The following PRR16 variants were observed in gnomAD, a reference collection of about 807,000 sequenced individuals.
PRR16 encodes protein Largen.
PRR16 carries 6 observed loss-of-function variants against 18.2 expected under a neutral mutation model. The observed-to-expected ratio is 0.33, with a 90% CI of 0.18 to 0.65. The LOEUF (loss-of-function observed/expected upper bound fraction) is 0.65. Ranked by LOEUF, PRR16 falls within the 30% of genes least tolerant of loss-of-function variation. The probability of loss-of-function intolerance (pLI) is 0.74; values close to 1 mark genes in which losing one functional copy is unlikely to be tolerated. For synonymous variants in PRR16, 151 were observed against 147.8 expected (o/e 1.02, Z -0.16); for missense variants, 412 against 376.6 (o/e 1.09, Z -0.78).
At chr5:120,503,983 GGC>G (rs1750557168) in intron 1 of PRR16, among the ~76,000 whole-genome samples, 1 of 151,674 alleles carries the variant, frequency 6.6e-6, no homozygotes, top group African/African-American at 2.4e-5. Flanking sequence ...CATTTTTTAT[GGC>G]TGCATAGTAT....
intron 1 of PRR16, among the ~76,000 whole-genome samples, chr5:120,544,524 G>T (rs1412848494): frequency 6.6e-6 from 1 of 151,856 alleles, no homozygotes; most frequent in East Asian, 1.9e-4. Context: ...GTGTGTATAT[G>T]TACAGCTATT....
At chr5:120,553,326 C>T (rs1460466918) in intron 1 of PRR16, among the ~76,000 whole-genome samples, 4 of 151,836 alleles carry the variant, frequency 2.6e-5, no homozygotes, top group African/African-American at 7.2e-5. Context: ...TGTTCTCAAA[C>T]CCAGGAAGAA....
intron 1 of PRR16, among the ~76,000 whole-genome samples, chr5:120,514,967 TC>T (rs1750941058): frequency 6.6e-6 from 1 of 152,180 alleles, no homozygotes; most frequent in Non-Finnish European, 1.5e-5. Context: ...ATAGCAACAG[TC>T]CCACTTAGCT....
At chr5:120,523,168 C>T (rs946778869) in intron 1 of PRR16, among the ~76,000 whole-genome samples, 1 of 152,168 alleles carries the variant, frequency 6.6e-6, no homozygotes, top group African/African-American at 2.4e-5. Flanking sequence ...AGGTGGATTT[C>T]ACTGCTTGTG....
rs569361304 is a variant in PRR16 at position 120,617,266 on chromosome 5, C to A, written c.160-68688C>A. The A allele has an allele frequency of 1.4e-5, 9 of 657,932 alleles. No individual in the cohort carries two copies. The South Asian group carries it at 4.7e-4, about 34-fold the overall frequency. 40.8% of individuals were successfully genotyped at this position (657,932 alleles called of 1,614,324 possible). A position where few individuals can be genotyped will look rare whatever the true frequency, so the allele number is the denominator to read the frequency against. ...CCAACATTTCTAAGAAACATGCAAA[C>A]CAATATATCATTTGTAATTCAAAAT... On this transcript the variant is annotated intron_variant, in intron 1 of 1. Coordinates refer to ENST00000407149, the MANE Select transcript of PRR16 (RefSeq NM_001300783.2).
At chr5:120,562,088 C>T (rs1752593254) in intron 1 of PRR16, among the ~76,000 whole-genome samples, 1 of 151,998 alleles carries the variant, frequency 6.6e-6, no homozygotes, top group South Asian at 2.1e-4. Flanking sequence ...TTGAAGTCTC[C>T]ATGTATTATT....
At chr5:120,678,780 C>A (rs1475763503) in intron 1 of PRR16, among the ~76,000 whole-genome samples, 1 of 151,984 alleles carries the variant, frequency 6.6e-6, no homozygotes, top group Non-Finnish European at 1.5e-5. Context: ...CCTTTTATTT[C>A]TTTCTCTTAT....
In PRR16 at chr5:120,537,769, G is replaced by GTTATT. The variant is rs1561536413; in HGVS notation, c.159+73126_159+73127insATTTT. 8.1e-4 allele frequency among the ~76,000 whole-genome samples: 93 copies of GTTATT among 115,148 alleles called. 2 individuals carry two copies. The highest frequency in any genetic ancestry group is 1.1e-3 in the Non-Finnish European group (61 of 57,176). 75.5% of individuals were successfully genotyped at this position (115,148 alleles called of 152,430 possible). A position where few individuals can be genotyped will look rare whatever the true frequency, so the allele number is the denominator to read the frequency against. On this transcript the variant is annotated intron_variant, in intron 1 of 1. Transcript: ENST00000407149. ...ACCCATATAACTTGGAATTTTTAAT[G>GTTATT]TTTTTTTTTTTTTTTTTTTTTTTTT...
At chr5:120,726,693 T>A in the PRR16 span, among the ~76,000 whole-genome samples, 217 of 152,252 alleles carry the variant, frequency 1.4e-3, no homozygotes, top group African/African-American at 4.8e-3. Context: ...CTTTTGGTTT[T>A]ACTCATTTGG....
intron 1 of PRR16, among the ~76,000 whole-genome samples, chr5:120,648,054 T>C (rs919643619): frequency 1.3e-5 from 2 of 152,126 alleles, no homozygotes; most frequent in Admixed American, 6.6e-5. Context: ...TTGGAATATA[T>C]ATTACTGATA....
intron 1 of PRR16, among the ~76,000 whole-genome samples, chr5:120,672,128 G>C (rs997887898): frequency 2.0e-5 from 3 of 152,180 alleles, no homozygotes; most frequent in African/African-American, 2.4e-5. Context: ...GGCACAAGGT[G>C]TGAAGCACAC....
At chr5:120,656,174 A>G (rs1755968124) in intron 1 of PRR16, among the ~76,000 whole-genome samples, 1 of 151,812 alleles carries the variant, frequency 6.6e-6, no homozygotes, top group African/African-American at 2.4e-5. Flanking sequence ...TTCTTACCAC[A>G]TTATGAAAGG....
rs1001078686 is a variant in PRR16 at position 120,487,912 on chromosome 5, G to T, written c.159+23267G>T. Among the ~76,000 whole-genome samples the T allele has an allele frequency of 2.0e-5, 3 of 152,076 alleles. No individual in the cohort carries two copies. The South Asian group carries it at 6.2e-4, about 32-fold the overall frequency. ...CTGCATCTATTGATATAATCATGCG[G>T]TTTTTGTCTTTGTTTCTGTTTATAT... On this transcript the variant is annotated intron_variant, in intron 1 of 1. Transcript: ENST00000407149.
chr5:120,583,910 T>G (rs1432732695), intron 1 of PRR16, among the ~76,000 whole-genome samples: 1 of 152,194 alleles, frequency 6.6e-6, no homozygotes, highest in Non-Finnish European at 1.5e-5. Flanking sequence ...ACATGACTTT[T>G]CAAAAAATTT....
intron 1 of PRR16, among the ~76,000 whole-genome samples, chr5:120,485,758 C>T (rs1341673422): frequency 6.6e-6 from 1 of 152,148 alleles, no homozygotes; most frequent in African/African-American, 2.4e-5. Flanking sequence ...ATCAACCCGT[C>T]ATCTAACATT....
chr5:120,758,537 G>A, the PRR16 span, among the ~76,000 whole-genome samples: 2 of 152,100 alleles, frequency 1.3e-5, no homozygotes, highest in Non-Finnish European at 2.9e-5. Context: ...ATATTGAAGG[G>A]GGGATCTGCT....
At chr5:120,746,496 A>G in the PRR16 span, among the ~76,000 whole-genome samples, 3 of 152,158 alleles carry the variant, frequency 2.0e-5, no homozygotes, top group African/African-American at 7.2e-5. Context: ...CTAAAACTAC[A>G]TCCTTCCCAA....
At chr5:120,679,702 A>C (rs1472543247) in intron 1 of PRR16, among the ~76,000 whole-genome samples, 1 of 152,156 alleles carries the variant, frequency 6.6e-6, no homozygotes, top group Non-Finnish European at 1.5e-5. Flanking sequence ...CGTTTGCCAC[A>C]CACGGATGGA....
chr5:120,627,162 C>G (rs945686613), intron 1 of PRR16, among the ~76,000 whole-genome samples: 2 of 152,026 alleles, frequency 1.3e-5, no homozygotes, highest in African/African-American at 4.8e-5. Context: ...TTTTATTTCT[C>G]CCATTTCACA....
Sources: gnomAD v4.1 joint callset for allele counts (sites outside exome capture counted in the v4.1 genomes callset) on GRCh38, gnomAD v4.1.1 for gene constraint, MANE v1.5 for transcripts, NCBI Gene and HGNC (gene_info 2026-07-23, HGNC 2026-07-21) for gene names.